Variants in GCNT2 observed in about 807,000 individuals in gnomAD.
GCNT2 encodes glucosaminyl (N-acetyl) transferase 2 (I blood group), also known as N-acetyllactosaminide beta-1,6-N-acetylglucosaminyl-transferase.
GCNT2 carries 34 observed loss-of-function variants against 34.2 expected under a neutral mutation model. That is an observed-to-expected ratio of 1.00 (90% CI 0.76 to 1.32). The LOEUF is 1.32. Ranked by LOEUF, GCNT2 falls within the 40% of genes most tolerant of loss-of-function variation. The pLI is 0.00. For synonymous variants in GCNT2, 212 were observed against 188.0 expected (o/e 1.13, Z -1.04); for missense variants, 584 against 489.4 (o/e 1.19, Z -1.82).
intron 3 of GCNT2, among the ~76,000 whole-genome samples, chr6:10,549,631 G>T (rs1762407448): frequency 7.1e-6 from 1 of 141,610 alleles, no homozygotes; most frequent in Admixed American, 7.3e-5. Context: ...GAGTGTAGTG[G>T]CACAGTCTGG....
chr6:10,578,726 G>T (rs151135512), intron 3 of GCNT2, among the ~76,000 whole-genome samples: 2 of 152,086 alleles, frequency 1.3e-5, no homozygotes, highest in Non-Finnish European at 2.9e-5. Flanking sequence ...GATTACAGGC[G>T]TGAGCCACTG....
In GCNT2 at chr6:10,626,694, T is replaced by A. The variant is rs535624670; in HGVS notation, c.*87T>A. ...GTGAGAGACTTTTGCCTTCGTAATG[T>A]TAACCGTTTCAGGACCACGTTTATA... is the stretch of plus-strand genomic sequence containing the variant. On this transcript the variant is annotated 3_prime_UTR_variant, in exon 5 of 5. Transcript: ENST00000495262. The A allele has an allele frequency of 1.8e-5, 18 of 984,188 alleles. No homozygotes were observed. The East Asian group carries it at 3.9e-4, about 21-fold the overall frequency. The allele number at this position is 984,188 out of a possible 1,614,324, so 61.0% of individuals were successfully genotyped here.
Position 10,626,716 on chromosome 6 carries a change from T to G in GCNT2, c.*109T>G, listed in dbSNP as rs1766274627. On this transcript the variant is annotated 3_prime_UTR_variant, in exon 5 of 5. Coordinates refer to ENST00000495262, the MANE Select transcript of GCNT2 (RefSeq NM_145649.5). ...ATGTTAACCGTTTCAGGACCACGTT[T>G]ATAGCTTCAGGACCTGGCTACGTAA... is the stretch of plus-strand genomic sequence containing the variant. The G allele has an allele frequency of 1.3e-6, 1 of 773,948 alleles. No individual in the cohort carries two copies. The highest frequency in any genetic ancestry group is 2.3e-6 in the Non-Finnish European group (1 of 443,304). The allele number at this position is 773,948 out of a possible 1,614,324, so 47.9% of individuals were successfully genotyped here.
chr6:10,610,558 C>G (rs943553295), intron 3 of GCNT2, among the ~76,000 whole-genome samples: 2 of 152,138 alleles, frequency 1.3e-5, no homozygotes, highest in Non-Finnish European at 2.9e-5. Context: ...CTAGTCTTCA[C>G]CAGAAGACTG....
chr6:10,559,711 C>T (rs1762886198), intron 3 of GCNT2, among the ~76,000 whole-genome samples: 1 of 152,250 alleles, frequency 6.6e-6, no homozygotes, highest in Non-Finnish European at 1.5e-5. Flanking sequence ...CAGAGAGCAA[C>T]TGCCTGGAGA....
chr6:10,540,973 T>G (rs1008736579), intron 3 of GCNT2, among the ~76,000 whole-genome samples: 2 of 152,156 alleles, frequency 1.3e-5, no homozygotes, highest in East Asian at 1.9e-4. Flanking sequence ...TCAATTACCC[T>G]CCATCCGTTT....
chr6:10,543,697 A>G (rs768903084), intron 3 of GCNT2, among the ~76,000 whole-genome samples: 2 of 152,184 alleles, frequency 1.3e-5, no homozygotes, highest in African/African-American at 2.4e-5. Context: ...CTAATTAACA[A>G]TGATGTTGGG....
intron 3 of GCNT2, among the ~76,000 whole-genome samples, chr6:10,554,162 C>T (rs1335180343): frequency 6.6e-6 from 1 of 152,144 alleles, no homozygotes; most frequent in East Asian, 1.9e-4. Flanking sequence ...TCTGGATAAG[C>T]AGGTTGTACA....
intron 3 of GCNT2, chr6:10,586,533 G>A: frequency 1.2e-6 from 2 of 1,614,132 alleles, no homozygotes; most frequent in East Asian, 4.5e-5. Context: ...CGCCTCTGAG[G>A]TTCCCTGGAA....
chr6:10,567,387 A>G (rs4712762), intron 3 of GCNT2, among the ~76,000 whole-genome samples: 105,689 of 151,966 alleles, frequency 0.7, 36,913 homozygotes, highest in Middle Eastern at 0.75. Context: ...AGCCCCAGAG[A>G]TGAAGGCTGC....
At position 10,582,453 on chromosome 6, in the gene GCNT2, T is replaced by C. The variant is rs1434556681; in HGVS notation, c.926-38898T>C. On this transcript the variant is annotated intron_variant, in intron 3 of 4. Coordinates refer to ENST00000495262, the MANE Select transcript of GCNT2 (RefSeq NM_145649.5). Reference sequence around the variant, plus strand: ...ATAATTTAATATTTATTATATAATATATATAATAAATATAATATATACTAT... The same window carrying C: ...ATAATTTAATATTTATTATATAATACATATAATAAATATAATATATACTAT... 2.2e-3 allele frequency among the ~76,000 whole-genome samples: 284 copies of C among 127,494 alleles called. 8 individuals carry two copies. Among genetic ancestry groups the C allele is most frequent in the African/African-American group, 7.9e-3 (260 of 32,892 alleles). 83.6% of individuals were successfully genotyped at this position (127,494 alleles called of 152,430 possible). A position where few individuals can be genotyped will look rare whatever the true frequency, so the allele number is the denominator to read the frequency against.
intron 3 of GCNT2, among the ~76,000 whole-genome samples, chr6:10,551,134 T>C (rs1306877577): frequency 6.6e-6 from 1 of 152,238 alleles, no homozygotes; most frequent in African/African-American, 2.4e-5. Flanking sequence ...TTTTCATTTT[T>C]CCAATTGTTA....
At chr6:10,527,729 G>C (rs993210693) in intron 2 of GCNT2, 69 bp downstream of exon 2, 1 of 152,208 alleles carries the variant, frequency 6.6e-6, no homozygotes, top group Admixed American at 6.5e-5. Flanking sequence ...GCGTGTGTGT[G>C]AACGGACTTC....
chr6:10,524,929 CT>C, intron 1 of GCNT2, among the ~76,000 whole-genome samples: 1 of 152,098 alleles, frequency 6.6e-6, no homozygotes. Flanking sequence ...TGTTCTTCCT[CT>C]GAGACTGCAT....
chr6:10,584,971 C>T, intron 3 of GCNT2, among the ~76,000 whole-genome samples: 1 of 151,792 alleles, frequency 6.6e-6, no homozygotes, highest in East Asian at 1.9e-4. Flanking sequence ...AGGTTCCTTC[C>T]ACCCTTGTGT....
At chr6:10,536,250 C>T (rs1346815219) in intron 3 of GCNT2, among the ~76,000 whole-genome samples, 3 of 152,038 alleles carry the variant, frequency 2.0e-5, no homozygotes, top group Admixed American at 6.6e-5. Flanking sequence ...AGATGCTAGG[C>T]GAATGGACAG....
At position 10,627,523 on chromosome 6, in the gene GCNT2, A is replaced by C. The variant is rs752036164; in HGVS notation, c.*916A>C. The C allele has an allele frequency of 2.0e-5, 3 of 152,196 alleles. No individual in the cohort carries two copies. Among genetic ancestry groups the C allele is most frequent in the Non-Finnish European group, 4.4e-5 (3 of 68,032 alleles). 9.4% of individuals were successfully genotyped at this position (152,196 alleles called of 1,614,324 possible). On this transcript the variant is annotated 3_prime_UTR_variant, in exon 5 of 5. Coordinates refer to ENST00000495262, the MANE Select transcript of GCNT2 (RefSeq NM_145649.5). ...CATAGTATGCTCTGAGTAGCTTTAC[A>C]CTGCCTGGTACTGATAGTAGTGGCT...
intron 4 of GCNT2, among the ~76,000 whole-genome samples, chr6:10,622,058 C>CT (rs1171945359): frequency 6.6e-6 from 1 of 152,166 alleles, no homozygotes; most frequent in Non-Finnish European, 1.5e-5. Context: ...TTCCCAGTGG[C>CT]TTGGAGAGCT....
chr6:10,590,019 C>T (rs922720633), intron 3 of GCNT2, among the ~76,000 whole-genome samples: 3 of 152,162 alleles, frequency 2.0e-5, no homozygotes, highest in Non-Finnish European at 2.9e-5. Flanking sequence ...CATCCAACCG[C>T]GATGAAGTGC....
Sources: allele counts gnomAD v4.1 joint callset (sites outside exome capture counted in the v4.1 genomes callset), GRCh38; gene constraint gnomAD v4.1.1; transcripts MANE v1.5; gene names NCBI Gene and HGNC (gene_info 2026-07-23, HGNC 2026-07-21).